KCNA6: variants seen among roughly 807,000 people sequenced by gnomAD.
KCNA6 encodes human brain potassium channel-2.
KCNA6 carries 17 observed loss-of-function variants against 29.5 expected under a neutral mutation model. The ratio of observed to expected loss-of-function variants is 0.58; its 90% CI spans 0.39 to 0.86. The LOEUF (loss-of-function observed/expected upper bound fraction) is 0.86, where lower values mean the gene tolerates loss of function less well. KCNA6 is among the 40% of genes least tolerant of loss of function. KCNA6 has a pLI of 0.00. For synonymous variants in KCNA6, 296 were observed against 304.7 expected (o/e 0.97, Z 0.30); for missense variants, 450 against 703.4 (o/e 0.64, Z 4.07).
At chr12:4,827,572 C>T in the KCNA6 span, among the ~76,000 whole-genome samples, 1 of 152,198 alleles carries the variant, frequency 6.6e-6, no homozygotes, top group Admixed American at 6.5e-5. Flanking sequence ...TGGTGTTACT[C>T]TCTGGTATCC....
the KCNA6 span, among the ~76,000 whole-genome samples, chr12:4,819,742 G>A: frequency 6.6e-6 from 1 of 152,244 alleles, no homozygotes; most frequent in Non-Finnish European, 1.5e-5. Flanking sequence ...CCTCATGGTT[G>A]AGGATTCTGA....
chr12:4,840,371 A>C, the KCNA6 span, among the ~76,000 whole-genome samples: 2 of 152,198 alleles, frequency 1.3e-5, no homozygotes, highest in Non-Finnish European at 2.9e-5. Flanking sequence ...GTGGTCAATA[A>C]GCACATGAAA....
chr12:4,820,605 CTCT>C, the KCNA6 span, among the ~76,000 whole-genome samples: 4 of 132,164 alleles, frequency 3.0e-5, no homozygotes, highest in African/African-American at 1.2e-4. Context: ...TTAAAAATAA[CTCT>C]TCATTTTCTA....
In KCNA6 at chr12:4,810,709, A is replaced by T. The variant is rs1035646767; in HGVS notation, c.668A>T (p.Glu223Val). ...TCCCCAGTTTCCAGGGGGAGTCAGG[A>T]GGAAGAGGAGGATGAAGACGATTCC... Residue 223 changes from glutamate to valine, a missense_variant, in exon 1 of 1, where the codon GAG (glutamate) becomes GTG (valine). Around this residue, in one of 7 missense-constraint regions of KCNA6, gnomAD observed 74 missense variants for 71.5 expected, o/e 1.03. Coordinates refer to ENST00000280684, the Ensembl canonical transcript of KCNA6. This position sits in a 1 kb window ranked among gnomAD's most constrained non-coding sequence, Gnocchi z 7.5. 1.1e-5 allele frequency: 18 copies of T among 1,613,820 alleles called. No homozygotes were observed. The highest frequency in any genetic ancestry group is 1.5e-5 in the Non-Finnish European group (18 of 1,179,918).
the KCNA6 span, among the ~76,000 whole-genome samples, chr12:4,837,573 G>A: frequency 7.2e-5 from 11 of 152,126 alleles, no homozygotes; most frequent in South Asian, 2.1e-4. Context: ...GGTATCTGCT[G>A]CAATTGCTTG....
downstream of KCNA6, among the ~76,000 whole-genome samples, chr12:4,816,063 A>G (rs1199363713): frequency 1.3e-5 from 2 of 152,232 alleles, no homozygotes; most frequent in Non-Finnish European, 2.9e-5. Context: ...CGAGTCTAAT[A>G]ATCTGGGAGT....
the KCNA6 span, among the ~76,000 whole-genome samples, chr12:4,843,809 C>G: frequency 1.3e-5 from 2 of 152,146 alleles, no homozygotes; most frequent in African/African-American, 2.4e-5. Flanking sequence ...CACTCGCTAT[C>G]TCAAGGACAG....
the KCNA6 span, chr12:4,839,185 C>A: frequency 2.5e-4 from 38 of 152,230 alleles, 2 homozygotes; most frequent in Admixed American, 2.0e-3. Context: ...ATGTAGTTGA[C>A]CTGTAAACAA....
the KCNA6 span, among the ~76,000 whole-genome samples, chr12:4,830,153 C>A: frequency 6.6e-6 from 1 of 152,212 alleles, no homozygotes; most frequent in African/African-American, 2.4e-5. Context: ...GGTGCAGTTG[C>A]GTTCCCCTCC....
the KCNA6 span, among the ~76,000 whole-genome samples, chr12:4,836,462 T>C: frequency 6.6e-6 from 1 of 152,108 alleles, no homozygotes; most frequent in Non-Finnish European, 1.5e-5. Context: ...CCTTGGAAGA[T>C]GACTTGGAAT....
At chr12:4,827,203 TC>T in the KCNA6 span, among the ~76,000 whole-genome samples, 1 of 49,910 alleles carries the variant, frequency 2.0e-5, no homozygotes, top group Non-Finnish European at 3.8e-5. Context: ...CTTCCTTCCT[TC>T]CCTCCTTCCT....
the KCNA6 span, among the ~76,000 whole-genome samples, chr12:4,828,606 C>T: frequency 6.6e-6 from 1 of 152,246 alleles, no homozygotes. Context: ...AGCGGACACT[C>T]ACATAGCATC....
the KCNA6 span, among the ~76,000 whole-genome samples, chr12:4,828,653 C>T: frequency 1.3e-5 from 2 of 152,198 alleles, no homozygotes; most frequent in African/African-American, 4.8e-5. Context: ...CTTATGTGTA[C>T]CAGCGCATTT....
Position 4,810,309 on chromosome 12 carries a change from C to T in KCNA6, c.268C>T (p.Arg90Trp), listed in dbSNP as rs746236187. The change falls in exon 1 of 1, where the codon CGG (arginine) becomes TGG (tryptophan). Residue 90 changes from arginine to tryptophan, a missense_variant. By Grantham distance (101) the Arg-to-Trp change is moderately radical (BLOSUM62 -3). This residue lies in a region of KCNA6 where 133 missense variants were observed against 217.5 expected (regional missense o/e 0.61). Coordinates refer to ENST00000280684, the Ensembl canonical transcript of KCNA6. This position sits in a 1 kb window ranked among gnomAD's most constrained non-coding sequence, Gnocchi z 7.5. The stretch of plus-strand genomic sequence containing the variant: ...GAACGAGTACTTCTTCGACCGCAAC[C>T]GGCCCAGCTTCGACGCCATCCTCTA... 1.2e-6 allele frequency: 2 copies of T among 1,614,108 alleles called. No homozygotes were observed. The highest frequency in any genetic ancestry group is 1.7e-6 in the Non-Finnish European group (2 of 1,180,028).
At position 4,810,738 on chromosome 12, in the gene KCNA6, A is replaced by G. The variant is rs1229057344; in HGVS notation, c.697A>G (p.Thr233Ala). ...AGAGGAGGATGAAGACGATTCCTAC[A>G]CATTTCATCATGGCATCACCCCTGG... Residue 233 changes from threonine (T) to alanine (A), a missense_variant, in exon 1 of 1, where the codon ACA becomes GCA. Around this residue, in one of 7 missense-constraint regions of KCNA6, gnomAD observed 74 missense variants for 71.5 expected, o/e 1.03. Transcript: ENST00000280684. This position sits in a 1 kb window ranked among gnomAD's most constrained non-coding sequence, Gnocchi z 7.5. 6.2e-7 allele frequency: 1 copy of G among 1,610,700 alleles called. No homozygotes were observed. Among genetic ancestry groups the G allele is most frequent in the East Asian group, 2.2e-5 (1 of 44,866 alleles).
At chr12:4,809,972 C>G (rs1237701047) in exon 1 of KCNA6, 1 of 1,470,330 alleles carries the variant, frequency 6.8e-7, no homozygotes. Flanking sequence ...AGCTGGGGAG[C>G]GGGTGCCGCG....
At chr12:4,835,468 CT>C in the KCNA6 span, among the ~76,000 whole-genome samples, 7 of 151,992 alleles carry the variant, frequency 4.6e-5, no homozygotes, top group Middle Eastern at 3.4e-3. Context: ...TTTTTCTTTC[CT>C]TTTTTTTCCT....
At position 4,811,474 on chromosome 12, in the gene KCNA6, C is replaced by T. The variant is rs771680397; in HGVS notation, c.1433C>T (p.Thr478Ile). ...GAGCAGGAGGAGCAAGGCCAGTATA[C>T]CCACGTCACTTGTGGGCAGCCTGCG... The change falls in exon 1 of 1, where the codon ACC becomes ATC. Residue 478 changes from threonine to isoleucine, a missense_variant. This residue lies in a region of KCNA6 where 57 missense variants were observed against 140.3 expected (regional missense o/e 0.41). Coordinates refer to ENST00000280684, the Ensembl canonical transcript of KCNA6. The surrounding 1 kb of genome is among the most constrained non-coding windows in gnomAD (Gnocchi z 7.1). 6.2e-7 allele frequency: 1 copy of T among 1,614,204 alleles called. No individual in the cohort carries two copies. The highest frequency in any genetic ancestry group is 1.3e-5 in the African/African-American group (1 of 75,050).
chr12:4,824,473 A>G, the KCNA6 span, among the ~76,000 whole-genome samples: 1 of 152,348 alleles, frequency 6.6e-6, no homozygotes, highest in African/African-American at 2.4e-5. Flanking sequence ...ACCTTCTTAG[A>G]GTGAAACTGT....
Sources: gnomAD v4.1 joint callset for allele counts (sites outside exome capture counted in the v4.1 genomes callset) on GRCh38, gnomAD v4.1.1 for gene constraint, gnomAD v4.1.1 regional missense constraint, Gnocchi (gnomAD v3.1) non-coding constraint, MANE v1.5 for transcripts, NCBI Gene and HGNC (gene_info 2026-07-23, HGNC 2026-07-21) for gene names.